Variants in SLC35F1 observed in about 807,000 individuals in gnomAD.
SLC35F1 encodes the protein solute carrier family 35 member F1.
In SLC35F1, 14 loss-of-function variants were observed where a neutral mutation model predicts 48.7. The observed-to-expected ratio is 0.29, with a 90% CI of 0.19 to 0.45. The LOEUF is 0.45. SLC35F1 is among the 20% of genes least tolerant of loss of function. The pLI is 1.00. For missense variants in SLC35F1, 404 were observed against 500.0 expected (o/e 0.81, Z 1.83); for synonymous variants, 190 against 202.2 (o/e 0.94, Z 0.51).
intron 1 of SLC35F1, among the ~76,000 whole-genome samples, chr6:118,078,451 T>C (rs1186169500): frequency 6.6e-6 from 1 of 152,200 alleles, no homozygotes; most frequent in African/African-American, 2.4e-5. Flanking sequence ...ATATATACTC[T>C]ATTGCCATTT....
intron 1 of SLC35F1, among the ~76,000 whole-genome samples, chr6:118,075,108 G>A (rs1772798443): frequency 6.6e-6 from 1 of 152,170 alleles, no homozygotes; most frequent in African/African-American, 2.4e-5. Context: ...TTAGAACATG[G>A]TGTTTATTTA....
chr6:118,300,168 AT>A (rs1388190921), intron 7 of SLC35F1, among the ~76,000 whole-genome samples: 6 of 152,052 alleles, frequency 3.9e-5, no homozygotes, highest in South Asian at 2.1e-4. Flanking sequence ...TATACAGACC[AT>A]TTTTTTTCTT....
chr6:118,230,035 A>G (rs1025575279), intron 2 of SLC35F1, among the ~76,000 whole-genome samples: 2 of 152,202 alleles, frequency 1.3e-5, no homozygotes, highest in African/African-American at 4.8e-5. Context: ...TTATAATGAT[A>G]CATGTGTATA....
Position 118,086,712 on chromosome 6 carries a change from G to A in SLC35F1, c.174-67733G>A, listed in dbSNP as rs114739653. Among the ~76,000 whole-genome samples, 1,326 of 152,282 alleles carry A rather than the reference G, an allele frequency of 8.7e-3. 19 individuals are homozygous for A. The highest frequency in any genetic ancestry group is 0.03 in the African/African-American group (1,251 of 41,550). On this transcript the variant is annotated intron_variant, in intron 1 of 7. Transcript: ENST00000360388. Reference sequence around the variant, plus strand: ...TAATTTTTAGAAGCCTTGGTTCACCGTGGTCTTTCCTCTTACTGAGGTTTC... The same window carrying A: ...TAATTTTTAGAAGCCTTGGTTCACCATGGTCTTTCCTCTTACTGAGGTTTC...
chr6:118,047,290 C>A (rs913777525), intron 1 of SLC35F1, among the ~76,000 whole-genome samples: 1 of 152,112 alleles, frequency 6.6e-6, no homozygotes, highest in African/African-American at 2.4e-5. Context: ...GAATTTATAA[C>A]CTCCTTTCCA....
At chr6:118,276,396 A>G (rs1443057064) in intron 5 of SLC35F1, among the ~76,000 whole-genome samples, 4 of 152,208 alleles carry the variant, frequency 2.6e-5, no homozygotes, top group African/African-American at 9.7e-5. Context: ...TCTTTCTACA[A>G]AGCAAGCACT....
chr6:118,068,421 G>T (rs1772649413), intron 1 of SLC35F1, among the ~76,000 whole-genome samples: 1 of 152,082 alleles, frequency 6.6e-6, no homozygotes, highest in Non-Finnish European at 1.5e-5. Context: ...GGAAAGTAGA[G>T]GAGAATCAGA....
intron 1 of SLC35F1, among the ~76,000 whole-genome samples, chr6:117,987,414 T>G (rs1180496072): frequency 6.6e-6 from 1 of 151,698 alleles, no homozygotes; most frequent in African/African-American, 2.4e-5. Context: ...CTTCTCTTTC[T>G]CTTTCTCTCT....
intron 2 of SLC35F1, among the ~76,000 whole-genome samples, chr6:118,162,749 G>T (rs760868709): frequency 5.9e-5 from 9 of 152,034 alleles, no homozygotes; most frequent in Non-Finnish European, 1.0e-4. Flanking sequence ...CCCAAAAATT[G>T]TACCTGCATC....
At chr6:118,184,327 A>G (rs953391144) in intron 2 of SLC35F1, among the ~76,000 whole-genome samples, 2 of 152,166 alleles carry the variant, frequency 1.3e-5, no homozygotes, top group African/African-American at 4.8e-5. Context: ...TGTGGAGCAG[A>G]TTTCCCAGAA....
chr6:117,997,466 T>G (rs1339840045), intron 1 of SLC35F1, among the ~76,000 whole-genome samples: 5 of 151,674 alleles, frequency 3.3e-5, no homozygotes, highest in Admixed American at 6.5e-5. Flanking sequence ...CCAAGACACA[T>G]AACTGTCAGA....
Position 118,133,837 on chromosome 6 carries a change from G to A in SLC35F1, c.174-20608G>A, listed in dbSNP as rs534721364. Among the ~76,000 whole-genome samples the A allele has an allele frequency of 5.3e-5, 8 of 152,290 alleles. No homozygotes were observed. In the South Asian group the frequency reaches 1.7e-3, roughly 32 times the overall value. The stretch of plus-strand genomic sequence containing the variant: ...CCCTTGTCACAGTCTCTGGAACTGT[G>A]GGCATTCTCAGGAGGCCCAGTGCCT... On this transcript the variant is annotated intron_variant, in intron 1 of 7. Coordinates refer to ENST00000360388, the MANE Select transcript of SLC35F1 (RefSeq NM_001029858.4).
intron 1 of SLC35F1, among the ~76,000 whole-genome samples, chr6:118,103,257 A>AT (rs1334190898): frequency 2.3e-4 from 7 of 30,022 alleles, no homozygotes; most frequent in Middle Eastern, 0.019. Context: ...GAGAACATTT[A>AT]TTTATTTTTT....
intron 1 of SLC35F1, among the ~76,000 whole-genome samples, chr6:117,975,764 C>A (rs1310097113): frequency 6.6e-6 from 1 of 152,088 alleles, no homozygotes; most frequent in East Asian, 1.9e-4. Flanking sequence ...TTATTTTGTT[C>A]CTGCGCTAAC....
chr6:117,938,497 T>C (rs545174153), intron 1 of SLC35F1, among the ~76,000 whole-genome samples: 2 of 152,324 alleles, frequency 1.3e-5, no homozygotes, highest in South Asian at 4.1e-4. Context: ...TCCTCATGCA[T>C]TCTCTGCAGG....
At chr6:118,135,427 A>C (rs2114430866) in intron 1 of SLC35F1, among the ~76,000 whole-genome samples, 1 of 152,352 alleles carries the variant, frequency 6.6e-6, no homozygotes, top group East Asian at 1.9e-4. Flanking sequence ...GTTGTTTAAC[A>C]AAAAGATGCA....
chr6:117,938,426 G>A (rs1313682459), intron 1 of SLC35F1, among the ~76,000 whole-genome samples: 1 of 152,124 alleles, frequency 6.6e-6, no homozygotes, highest in Admixed American at 6.5e-5. Context: ...ATCTCTTCTG[G>A]CAAACTTTCA....
chr6:118,114,488 T>A (rs185577658), intron 1 of SLC35F1, among the ~76,000 whole-genome samples: 41 of 151,978 alleles, frequency 2.7e-4, no homozygotes, highest in Admixed American at 2.1e-3. Context: ...AGTTAGTCTT[T>A]CCCCCACAGC....
intron 2 of SLC35F1, among the ~76,000 whole-genome samples, chr6:118,178,811 A>G (rs533730857): frequency 6.6e-6 from 1 of 152,294 alleles, no homozygotes; most frequent in East Asian, 1.9e-4. Context: ...ACATATAATC[A>G]GATTCACCCA....
Sources: gnomAD v4.1 joint callset for allele counts (sites outside exome capture counted in the v4.1 genomes callset) on GRCh38, gnomAD v4.1.1 for gene constraint, MANE v1.5 for transcripts, NCBI Gene and HGNC (gene_info 2026-07-23, HGNC 2026-07-21) for gene names.